FANCA: variants seen among roughly 807,000 people sequenced by gnomAD.
FANCA encodes FA complementation group A.
A neutral mutation model predicts 194.3 loss-of-function variants in FANCA; 236 were observed. The observed-to-expected ratio is 1.21, with a 90% CI of 1.09 to 1.35. FANCA has a LOEUF of 1.35. Among genes scored for constraint, FANCA ranks in the 40% most tolerant of loss-of-function variants. The pLI, the probability that FANCA is intolerant of heterozygous loss-of-function variation, is 0.00. For synonymous variants in FANCA, 1,014 were observed against 715.8 expected, an observed-to-expected ratio of 1.42 and a Z score of -6.65; for missense variants, 2,628 against 1,813.9, an observed-to-expected ratio of 1.45 and a Z score of -8.15.
At position 89,739,417 on chromosome 16, in the gene FANCA, T is replaced by G; in HGVS notation, c.4010+61A>C. ...CTTCCCATCTGGCGGGACCCAGAGG[T>G]GCTGAGATGGGGGTCTGGGAAACAC... On this transcript the variant is annotated intron_variant, in intron 40 of 42. Coordinates refer to ENST00000389301, the MANE Select transcript of FANCA (RefSeq NM_000135.4). 3 of 1,554,878 alleles carry G rather than the reference T, an allele frequency of 1.9e-6. No homozygotes were observed. In the Admixed American group the frequency reaches 5.8e-5, roughly 30 times the overall value.
chr16:89,762,867 C>G (rs2038998297), intron 28 of FANCA: 1 of 361,800 alleles, frequency 2.8e-6, no homozygotes, highest in Admixed American at 2.9e-5. Flanking sequence ...CTTTGGGAGG[C>G]CGAGGCAGGC....
At chr16:89,785,853 GTTTTGTTTT>G (rs1318110034) in intron 14 of FANCA, among the ~76,000 whole-genome samples, 2 of 113,166 alleles carry the variant, frequency 1.8e-5, no homozygotes, top group East Asian at 5.4e-4. Context: ...GCAAAATTGT[GTTTTGTTTT>G]TTTTTTTTTG....
rs368863771 is a variant in FANCA at position 89,741,917 on chromosome 16, C to A, written c.3765+883G>T. ...AAAAATAAGCTGAAGAAACGCACTT[C>A]AAGCCTGGGCAACACAGTGAGACCC... On this transcript the variant is annotated intron_variant, in intron 37 of 42. Transcript: ENST00000389301. 4.6e-5 allele frequency among the ~76,000 whole-genome samples: 7 copies of A among 152,266 alleles called. No individual in the cohort carries two copies. In the South Asian group the frequency reaches 1.5e-3, roughly 32 times the overall value.
intron 26 of FANCA, among the ~76,000 whole-genome samples, chr16:89,768,049 C>T (rs937318798): frequency 3.3e-5 from 5 of 152,108 alleles, no homozygotes; most frequent in African/African-American, 4.8e-5. Context: ...GGAGTGCAGT[C>T]GCACAATCAC....
intron 17 of FANCA, among the ~76,000 whole-genome samples, chr16:89,781,970 G>A (rs1159042491): frequency 6.6e-6 from 1 of 150,862 alleles, no homozygotes; most frequent in Non-Finnish European, 1.5e-5. Context: ...CTGCGCCACT[G>A]CACTCCAGCC....
At chr16:89,781,154 G>C (rs1163268818) in intron 17 of FANCA, among the ~76,000 whole-genome samples, 1 of 151,962 alleles carries the variant, frequency 6.6e-6, no homozygotes, top group African/African-American at 2.4e-5. Context: ...CACGAGGTCA[G>C]GAGACCGAGA....
intron 10 of FANCA, among the ~76,000 whole-genome samples, chr16:89,797,932 T>G (rs1412142144): frequency 1.3e-5 from 2 of 152,008 alleles, no homozygotes; most frequent in Non-Finnish European, 2.9e-5. Context: ...GGCAACTAAT[T>G]ACAAAATATA....
rs761614742 is a variant in FANCA, at chr16:89,815,908, C to G, written c.158G>C (p.Ser53Thr). ...LKESAVRLLR[S>T]HQDLNALLLE... ...CAAAAGGGCATTCAGGTCCTGATGG[C>G]TTCGCAGGAGGCGCACAGCTGATTC... The change falls in exon 2 of 43, where the codon AGC becomes ACC. Residue 53 changes from serine to threonine, a missense_variant. Ser to Thr is a moderately conservative substitution (Grantham distance 58). Coordinates refer to ENST00000389301, the MANE Select transcript of FANCA (RefSeq NM_000135.4). 1.1e-5 allele frequency: 17 copies of G among 1,614,024 alleles called. No homozygotes were observed. Among genetic ancestry groups the G allele is most frequent in the Non-Finnish European group, 1.4e-5 (16 of 1,179,982 alleles).
chr16:89,812,670 A>AAC (rs1567655807), intron 3 of FANCA, among the ~76,000 whole-genome samples: 219 of 148,908 alleles, frequency 1.5e-3, no homozygotes, highest in African/African-American at 5.1e-3. Context: ...AAAAAAAAAA[A>AAC]CTGTTAACTG....
intron 36 of FANCA, among the ~76,000 whole-genome samples, chr16:89,743,936 T>C (rs1234870582): frequency 1.3e-5 from 2 of 152,032 alleles, no homozygotes. Flanking sequence ...TCTCTCTCAT[T>C]GCCCATGCTG....
chr16:89,792,269 T>A (rs911157003), intron 12 of FANCA, among the ~76,000 whole-genome samples: 3 of 152,082 alleles, frequency 2.0e-5, no homozygotes, highest in African/African-American at 7.2e-5. Context: ...ATTCTCCCTA[T>A]CTCAAGGAGG....
intron 11 of FANCA, among the ~76,000 whole-genome samples, chr16:89,794,278 T>C (rs950314342): frequency 1.3e-5 from 2 of 152,060 alleles, no homozygotes; most frequent in Admixed American, 6.6e-5. Context: ...AAGGTCAGGC[T>C]AGGTGGCTCA....
chr16:89,754,968 G>A (rs1358039368), intron 30 of FANCA, among the ~76,000 whole-genome samples: 1 of 152,118 alleles, frequency 6.6e-6, no homozygotes, highest in African/African-American at 2.4e-5. Context: ...CCAAGTTGGA[G>A]GCCTCACACT....
intron 37 of FANCA, among the ~76,000 whole-genome samples, chr16:89,742,278 A>G (rs2062152728): frequency 6.6e-6 from 1 of 151,646 alleles, no homozygotes; most frequent in Non-Finnish European, 1.5e-5. Context: ...TGCCTGGACT[A>G]CAGACCCCCA....
chr16:89,769,836 C>G lies in FANCA; in HGVS notation c.2504+1G>C, dbSNP rs2039260545. The G allele has an allele frequency of 1.2e-6, 2 of 1,614,050 alleles. No individual in the cohort carries two copies. The highest frequency in any genetic ancestry group is 1.7e-6 in the Non-Finnish European group (2 of 1,180,010). ...GACGCGACTGTGGAAGAAGAGCTCA[C>G]TTCAGGCAGAAGAACAAGGAATCCC... On this transcript the variant is annotated splice_donor_variant, in intron 26 of 42. Coordinates refer to ENST00000389301, the MANE Select transcript of FANCA (RefSeq NM_000135.4). LOFTEE classifies it high-confidence loss of function.
rs561959913 is a variant in FANCA at position 89,782,934 on chromosome 16, A to C, written c.1567-16T>G. On this transcript the variant is annotated splice_polypyrimidine_tract_variant and intron_variant, in intron 16 of 42. Coordinates refer to ENST00000389301, the MANE Select transcript of FANCA (RefSeq NM_000135.4). ...CTATAGAAACCTTCAGGGAAGACAC[A>C]GAATGAGAACAAGAAAACAAAGCAG... 2 of 1,613,756 alleles carry C rather than the reference A, an allele frequency of 1.2e-6. No homozygotes were observed. The highest frequency in any genetic ancestry group is 4.5e-5 in the East Asian group (2 of 44,886).
At chr16:89,754,781 T>C (rs1341185596) in intron 30 of FANCA, among the ~76,000 whole-genome samples, 1 of 152,168 alleles carries the variant, frequency 6.6e-6, no homozygotes, top group Non-Finnish European at 1.5e-5. Flanking sequence ...TTCTATACGT[T>C]AGCAACAAAT....
chr16:89,766,612 A>T (rs573187959), intron 27 of FANCA, among the ~76,000 whole-genome samples: 22 of 151,994 alleles, frequency 1.4e-4, no homozygotes, highest in Non-Finnish European at 3.1e-4. Context: ...CAACTTGGGA[A>T]GCTAAGGCAG....
Position 89,795,522 on chromosome 16 carries a change from C to T in FANCA, c.1006+384G>A, listed in dbSNP as rs1387949545. Among the ~76,000 whole-genome samples, 9 of 151,994 alleles carry T rather than the reference C, an allele frequency of 5.9e-5. No individual in the cohort carries two copies. In the South Asian group the frequency reaches 1.7e-3, roughly 28 times the overall value. ...GTGTGGTGGTTGGCGCCTGTAGTCC[C>T]AGCTACTTGAGAGGCTGAGACACGA... On this transcript the variant is annotated intron_variant, in intron 11 of 42. Coordinates refer to ENST00000389301, the MANE Select transcript of FANCA (RefSeq NM_000135.4).
Sources: gnomAD v4.1 joint callset for allele counts (sites outside exome capture counted in the v4.1 genomes callset) on GRCh38, gnomAD v4.1.1 for gene constraint, MANE v1.5 for transcripts, NCBI Gene and HGNC (gene_info 2026-07-23, HGNC 2026-07-21) for gene names.